The following CNOT6L variants were observed in gnomAD, a reference collection of about 807,000 sequenced individuals.
The protein encoded by CNOT6L is CCR4-NOT transcription complex subunit 6 like.
Under a neutral mutation model 64.0 loss-of-function variants are expected in CNOT6L, and 7 were observed. That is an observed-to-expected ratio of 0.11 (90% CI 0.06 to 0.21). The LOEUF (loss-of-function observed/expected upper bound fraction) is 0.21, where lower values mean the gene tolerates loss of function less well. Among genes scored for constraint, CNOT6L ranks in the 10% least tolerant of loss-of-function variants. The pLI is 1.00. For missense variants in CNOT6L, 245 were observed against 669.0 expected (o/e 0.37, Z 6.99); for synonymous variants, 193 against 243.4 (o/e 0.79, Z 1.93).
At chr4:77,772,458 T>C (rs1727665530) in intron 4 of CNOT6L, among the ~76,000 whole-genome samples, 1 of 152,070 alleles carries the variant, frequency 6.6e-6, no homozygotes, top group South Asian at 2.1e-4. Flanking sequence ...ACCAGCCTAG[T>C]ATTCCCTTTT....
Position 77,744,817 on chromosome 4 carries a change from T to A in CNOT6L, c.618A>T (p.Leu206=), listed in dbSNP as rs1724014372. The change falls in exon 7 of 12, where the codon CTA becomes CTT. Residue 206 remains leucine, a synonymous_variant. Coordinates refer to ENST00000504123, the MANE Select transcript of CNOT6L (RefSeq NM_144571.3). The part of the protein sequence containing the change: ...VLCDKYATRQ[L]YGYCPSWALN... ...ATGCCCAGGATGGGCAATAGCCATATAGCTGCCGGGTAGCGTATTTATCAC... is the reference window on the plus strand; with the variant it reads ...ATGCCCAGGATGGGCAATAGCCATAAAGCTGCCGGGTAGCGTATTTATCAC... 6.2e-7 allele frequency: 1 copy of A among 1,613,614 alleles called. No individual in the cohort carries two copies. Among genetic ancestry groups the A allele is most frequent in the Non-Finnish European group, 8.5e-7 (1 of 1,179,706 alleles).
chr4:77,795,194 T>A (rs1209522163), intron 1 of CNOT6L, among the ~76,000 whole-genome samples: 1 of 151,972 alleles, frequency 6.6e-6, no homozygotes, highest in African/African-American at 2.4e-5. Context: ...TAATTTTGTA[T>A]TTTTAGTAGA....
intron 10 of CNOT6L, among the ~76,000 whole-genome samples, chr4:77,727,147 C>T (rs1461452534): frequency 2.0e-5 from 3 of 152,102 alleles, no homozygotes; most frequent in Admixed American, 1.3e-4. Context: ...TTGTAAATAG[C>T]TCAGAAGGCA....
chr4:77,717,740 T>TACAAAGGGA lies in CNOT6L; in HGVS notation c.*2682_*2690dup, dbSNP rs1160103542. ...AGCTCAAAACAGATACCACTCCTTT[T>TACAAAGGGA]ACAAAGGGAACAAAGGGTGAAGGGT... On this transcript the variant is annotated 3_prime_UTR_variant, in exon 12 of 12. Transcript: ENST00000504123. 1 of 152,524 alleles carries TACAAAGGGA rather than the reference T, an allele frequency of 6.6e-6. No homozygotes were observed. The highest frequency in any genetic ancestry group is 1.5e-5 in the Non-Finnish European group (1 of 68,016). The allele number at this position is 152,524 out of a possible 1,614,324, so 9.4% of individuals were successfully genotyped here. A position where few individuals can be genotyped will look rare whatever the true frequency, so the allele number is the denominator to read the frequency against.
At chr4:77,751,601 T>C (rs901322059) in intron 5 of CNOT6L, among the ~76,000 whole-genome samples, 2 of 152,118 alleles carry the variant, frequency 1.3e-5, no homozygotes, top group Admixed American at 6.6e-5. Context: ...AGACAGATCG[T>C]AACTAAACTT....
At chr4:77,756,494 CTG>C (rs1031552269) in intron 5 of CNOT6L, among the ~76,000 whole-genome samples, 2 of 152,150 alleles carry the variant, frequency 1.3e-5, no homozygotes, top group Admixed American at 1.3e-4. Flanking sequence ...CAACTAATAA[CTG>C]TGTATTTTTG....
At position 77,819,293 on chromosome 4, in the gene CNOT6L, G is replaced by A. The variant is rs755819361; in HGVS notation, c.5+11C>T. The stretch of plus-strand genomic sequence containing the variant: ...CTCTCGGTCCTACTCGGAGGCAAAA[G>A]AACACTCTACCTCATTCTCTTCCTC... On this transcript the variant is annotated intron_variant, in intron 1 of 11. Coordinates refer to ENST00000504123, the MANE Select transcript of CNOT6L (RefSeq NM_144571.3). The A allele has an allele frequency of 1.2e-6, 2 of 1,613,454 alleles. No individual in the cohort carries two copies. The highest frequency in any genetic ancestry group is 2.7e-5 in the African/African-American group (2 of 74,844).
At chr4:77,787,304 A>C (rs991488155) in intron 1 of CNOT6L, among the ~76,000 whole-genome samples, 5 of 152,048 alleles carry the variant, frequency 3.3e-5, no homozygotes, top group African/African-American at 1.2e-4. Context: ...AGATGACACT[A>C]CTAATCCTAG....
At chr4:77,780,381 A>C (rs1051923073) in intron 1 of CNOT6L, among the ~76,000 whole-genome samples, 2 of 152,220 alleles carry the variant, frequency 1.3e-5, no homozygotes, top group African/African-American at 4.8e-5. Context: ...TTCTCAAAAG[A>C]TCCTCCCATT....
chr4:77,788,631 G>A (rs1381759190), intron 1 of CNOT6L, among the ~76,000 whole-genome samples: 1 of 152,080 alleles, frequency 6.6e-6, no homozygotes, highest in Non-Finnish European at 1.5e-5. Flanking sequence ...AGGAGGCTGA[G>A]GCAAAAGAAT....
Position 77,763,425 on chromosome 4 carries a change from G to A in CNOT6L, c.401-6474C>T, listed in dbSNP as rs374076107. Among the ~76,000 whole-genome samples the A allele has an allele frequency of 3.3e-3, 500 of 152,020 alleles. 2 individuals are homozygous for A. Among genetic ancestry groups the A allele is most frequent in the African/African-American group, 0.012 (483 of 41,506 alleles). On this transcript the variant is annotated intron_variant, in intron 4 of 11. Transcript: ENST00000504123. ...ATAAGAAGCTCAGTACCTAGTATTGGGTTCAATTCACCAAAAGACACTAGC... is the reference window on the plus strand; with the variant it reads ...ATAAGAAGCTCAGTACCTAGTATTGAGTTCAATTCACCAAAAGACACTAGC...
chr4:77,779,486 AT>A (rs1002898977), intron 1 of CNOT6L, among the ~76,000 whole-genome samples: 18 of 152,066 alleles, frequency 1.2e-4, no homozygotes, highest in Non-Finnish European at 2.4e-4. Context: ...CTAGATTTCT[AT>A]TTTTTAATTC....
Position 77,760,860 on chromosome 4 carries a change from C to CTTTTTTTTTT in CNOT6L, c.401-3919_401-3910dup, listed in dbSNP as rs754195745. On this transcript the variant is annotated intron_variant, in intron 4 of 11. Coordinates refer to ENST00000504123, the MANE Select transcript of CNOT6L (RefSeq NM_144571.3). Reference sequence around the variant, plus strand: ...TACAGGTGCACACCACCATGCCTGGCTTTTTTTTTTTTTTTTTTTTTTTTT... The same window carrying CTTTTTTTTTT: ...TACAGGTGCACACCACCATGCCTGGCTTTTTTTTTTTTTTTTTTTTTTTTTTTTTTTTTTT... Among the ~76,000 whole-genome samples the CTTTTTTTTTT allele has an allele frequency of 3.8e-3, 114 of 29,976 alleles. 26 individuals carry two copies. The highest frequency in any genetic ancestry group is 7.2e-3 in the Admixed American group (11 of 1,538). The allele number at this position is 29,976 out of a possible 152,430, so 19.7% of individuals were successfully genotyped here.
intron 1 of CNOT6L, among the ~76,000 whole-genome samples, chr4:77,794,918 T>A (rs1303722371): frequency 6.6e-6 from 1 of 152,024 alleles, no homozygotes; most frequent in East Asian, 1.9e-4. Flanking sequence ...AATGAATAGA[T>A]TTAACAGGTA....
intron 1 of CNOT6L, among the ~76,000 whole-genome samples, chr4:77,782,465 T>C (rs1425461952): frequency 6.6e-6 from 1 of 151,982 alleles, no homozygotes; most frequent in Non-Finnish European, 1.5e-5. Context: ...CCCCAGTAGC[T>C]GGGACTACAG....
intron 11 of CNOT6L, among the ~76,000 whole-genome samples, chr4:77,721,827 C>A (rs1274201979): frequency 6.6e-6 from 1 of 151,930 alleles, no homozygotes; most frequent in African/African-American, 2.4e-5. Context: ...TAAACATTAG[C>A]CAGGTGTAGC....
intron 1 of CNOT6L, among the ~76,000 whole-genome samples, chr4:77,817,741 C>G (rs1016189476): frequency 1.3e-5 from 2 of 152,212 alleles, no homozygotes; most frequent in African/African-American, 4.8e-5. Context: ...CTTCTCTTCC[C>G]TCCACTTCCC....
chr4:77,815,389 T>G (rs770683011), intron 1 of CNOT6L, among the ~76,000 whole-genome samples: 3 of 152,182 alleles, frequency 2.0e-5, no homozygotes, highest in Admixed American at 2.0e-4. Flanking sequence ...AGAAACTCAC[T>G]TGTCATTTAA....
At chr4:77,788,615 C>T (rs1306857954) in intron 1 of CNOT6L, among the ~76,000 whole-genome samples, 1 of 152,094 alleles carries the variant, frequency 6.6e-6, no homozygotes, top group Non-Finnish European at 1.5e-5. Flanking sequence ...GTAGTCCCAG[C>T]TACTCAGGAG....
Sources: gnomAD v4.1 joint callset for allele counts (sites outside exome capture counted in the v4.1 genomes callset) on GRCh38, gnomAD v4.1.1 for gene constraint, MANE v1.5 for transcripts, NCBI Gene and HGNC (gene_info 2026-07-23, HGNC 2026-07-21) for gene names.